RSU1: variants seen among roughly 807,000 people sequenced by gnomAD.
The protein encoded by RSU1 is rsu-1.
In RSU1, 26 loss-of-function variants were observed where a neutral mutation model predicts 31.1. The observed-to-expected ratio is 0.84, with a 90% CI of 0.61 to 1.16. The LOEUF is 1.16. Ranked by LOEUF, RSU1 falls within the 50% of genes most tolerant of loss-of-function variation. RSU1 has a pLI of 0.00. For synonymous variants in RSU1, 164 were observed against 136.3 expected (o/e 1.20, Z -1.41); for missense variants, 320 against 339.1 (o/e 0.94, Z 0.44).
chr10:16,695,745 G>A (rs1333775685), intron 7 of RSU1, among the ~76,000 whole-genome samples: 3 of 152,152 alleles, frequency 2.0e-5, no homozygotes, highest in East Asian at 1.9e-4. Flanking sequence ...CAGCAATCTG[G>A]AAGGTCAGAT....
At chr10:16,776,259 A>C (rs1837528531) in intron 3 of RSU1, among the ~76,000 whole-genome samples, 1 of 152,260 alleles carries the variant, frequency 6.6e-6, no homozygotes, top group Non-Finnish European at 1.5e-5. Flanking sequence ...AATTTTAAGA[A>C]TGCAGTATTT....
chr10:16,785,094 A>T (rs1258192024), intron 2 of RSU1, among the ~76,000 whole-genome samples: 1 of 152,096 alleles, frequency 6.6e-6, no homozygotes, highest in African/African-American at 2.4e-5. Flanking sequence ...GCCAAAGGAG[A>T]TTAACATTTG....
At chr10:16,762,807 G>C (rs1837235620) in intron 4 of RSU1, among the ~76,000 whole-genome samples, 1 of 152,072 alleles carries the variant, frequency 6.6e-6, no homozygotes, top group Non-Finnish European at 1.5e-5. Flanking sequence ...GAGGTCAAGA[G>C]ATTGAGACCA....
intron 3 of RSU1, among the ~76,000 whole-genome samples, chr10:16,770,481 G>A (rs547545372): frequency 3.9e-5 from 6 of 152,284 alleles, no homozygotes; most frequent in Admixed American, 2.0e-4. Flanking sequence ...AAATCTGGAG[G>A]TGACCTCCAC....
At chr10:16,810,595 G>A (rs1349395930) in intron 2 of RSU1, among the ~76,000 whole-genome samples, 2 of 152,184 alleles carry the variant, frequency 1.3e-5, no homozygotes, top group Non-Finnish European at 2.9e-5. Context: ...TGAGGAATAA[G>A]GCAGTGGGTG....
chr10:16,626,491 A>G (rs1834160380), intron 8 of RSU1, among the ~76,000 whole-genome samples: 1 of 152,148 alleles, frequency 6.6e-6, no homozygotes, highest in Admixed American at 6.5e-5. Flanking sequence ...CATAAGCACA[A>G]TTCTAAAAAA....
rs1205811622 is a variant in RSU1, at chr10:16,645,896, A to G, written c.731+49127T>C. ...CATATATGTGTATATACATATATGTATATACACATATATGTATATATATGT... is the reference window on the plus strand; with the variant it reads ...CATATATGTGTATATACATATATGTGTATACACATATATGTATATATATGT... On this transcript the variant is annotated intron_variant, in intron 8 of 8. Coordinates refer to ENST00000345264, the MANE Select transcript of RSU1 (RefSeq NM_012425.4). 3.8e-5 allele frequency among the ~76,000 whole-genome samples: 4 copies of G among 106,662 alleles called. 1 individual carries two copies. The highest frequency in any genetic ancestry group is 6.8e-5 in the Non-Finnish European group (4 of 59,080). The allele number at this position is 106,662 out of a possible 152,430, so 70.0% of individuals were successfully genotyped here.
At chr10:16,812,257 T>A (rs973894332) in intron 2 of RSU1, among the ~76,000 whole-genome samples, 5 of 151,946 alleles carry the variant, frequency 3.3e-5, no homozygotes, top group African/African-American at 9.7e-5. Flanking sequence ...GCCTGGCCAA[T>A]ATGGTGAAAC....
At position 16,809,458 on chromosome 10, in the gene RSU1, G is replaced by C. The variant is rs572130465; in HGVS notation, c.109+7515C>G. ...AGGCAGCAAAGCTCTGTGTGGAGAT[G>C]AGACGAGCTGTGTCCAGCCTCCCAG... is the stretch of plus-strand genomic sequence containing the variant. On this transcript the variant is annotated intron_variant, in intron 2 of 8. Coordinates refer to ENST00000345264, the MANE Select transcript of RSU1 (RefSeq NM_012425.4). 2.0e-5 allele frequency among the ~76,000 whole-genome samples: 3 copies of C among 152,302 alleles called. No individual in the cohort carries two copies. The East Asian group carries it at 5.8e-4, about 29-fold the overall frequency.
At chr10:16,635,326 C>T (rs1171811727) in intron 8 of RSU1, among the ~76,000 whole-genome samples, 1 of 152,208 alleles carries the variant, frequency 6.6e-6, no homozygotes, top group Non-Finnish European at 1.5e-5. Context: ...TGCTAACCAA[C>T]TATTTCATAT....
chr10:16,738,873 C>A (rs974145874), intron 7 of RSU1, among the ~76,000 whole-genome samples: 14 of 151,732 alleles, frequency 9.2e-5, no homozygotes, highest in Non-Finnish European at 2.1e-4. Flanking sequence ...CCCCACCCCC[C>A]CAGCGGACCC....
chr10:16,729,520 T>A (rs768221621), intron 7 of RSU1, among the ~76,000 whole-genome samples: 1 of 152,084 alleles, frequency 6.6e-6, no homozygotes, highest in Non-Finnish European at 1.5e-5. Context: ...GTATGCTAGA[T>A]GGCCAAGGAA....
intron 8 of RSU1, among the ~76,000 whole-genome samples, chr10:16,662,851 A>G (rs542708343): frequency 6.6e-6 from 1 of 152,290 alleles, no homozygotes; most frequent in South Asian, 2.1e-4. Context: ...CAAGAAATCA[A>G]GCGTGTGATA....
chr10:16,717,585 T>C (rs527840457), intron 7 of RSU1, among the ~76,000 whole-genome samples: 1 of 152,174 alleles, frequency 6.6e-6, no homozygotes, highest in African/African-American at 2.4e-5. Flanking sequence ...TAAATGTACA[T>C]AACCTTCTTT....
intron 8 of RSU1, among the ~76,000 whole-genome samples, chr10:16,653,328 G>A (rs185200642): frequency 6.6e-6 from 1 of 152,194 alleles, no homozygotes; most frequent in African/African-American, 2.4e-5. Context: ...TTAGGAAAGA[G>A]CTAGGATACA....
chr10:16,681,160 G>A (rs1835322269), intron 8 of RSU1, among the ~76,000 whole-genome samples: 1 of 152,142 alleles, frequency 6.6e-6, no homozygotes, highest in Non-Finnish European at 1.5e-5. Flanking sequence ...CTTAGATATT[G>A]GTTGTAAATA....
chr10:16,646,466 T>C (rs113256558), intron 8 of RSU1, among the ~76,000 whole-genome samples: 4 of 152,304 alleles, frequency 2.6e-5, no homozygotes, highest in South Asian at 2.1e-4. Flanking sequence ...TCTGACTCTT[T>C]TGCCCCGATC....
At chr10:16,790,512 T>C (rs900065121) in intron 2 of RSU1, among the ~76,000 whole-genome samples, 3 of 152,090 alleles carry the variant, frequency 2.0e-5, no homozygotes, top group Non-Finnish European at 4.4e-5. Flanking sequence ...AACTGAGAAA[T>C]GCTTTAGGGT....
intron 8 of RSU1, among the ~76,000 whole-genome samples, chr10:16,611,809 CAGAGAGCGAG>C (rs778971509): frequency 2.0e-5 from 3 of 152,178 alleles, no homozygotes; most frequent in Non-Finnish European, 2.9e-5. Context: ...GCTGCTTTTC[CAGAGAGCGAG>C]AGAGAGTGAG....
Sources: allele counts gnomAD v4.1 joint callset (sites outside exome capture counted in the v4.1 genomes callset), GRCh38; gene constraint gnomAD v4.1.1; transcripts MANE v1.5; gene names NCBI Gene and HGNC (gene_info 2026-07-23, HGNC 2026-07-21).